Variants in BCL9 observed in about 807,000 individuals in gnomAD.
BCL9 encodes the protein BCL9 transcription coactivator.
A neutral mutation model predicts 88.5 loss-of-function variants in BCL9; 25 were observed. That is an observed-to-expected ratio of 0.28 (90% CI 0.21 to 0.39). The LOEUF is 0.39. Among genes scored for constraint, BCL9 ranks in the 10% least tolerant of loss-of-function variants. BCL9 has a pLI of 1.00. For synonymous variants in BCL9, 711 were observed against 673.3 expected (o/e 1.06, Z -0.87); for missense variants, 1,817 against 1,877.8 (o/e 0.97, Z 0.60).
At chr1:147,547,002 G>GT (rs1222827546) in intron 1 of BCL9, among the ~76,000 whole-genome samples, 136,034 of 149,278 alleles carry the variant, frequency 0.91, 61,478 homozygotes, top group South Asian at 0.97. Context: ...TAAAAATCGT[G>GT]TTTTTTTTTA....
chr1:147,622,695 G>A (rs1395593964), intron 9 of BCL9, among the ~76,000 whole-genome samples, 164 bp downstream of exon 9: 1 of 152,160 alleles, frequency 6.6e-6, no homozygotes, highest in Non-Finnish European at 1.5e-5. Context: ...CTTGACTAGA[G>A]GAAGATAATT....
chr1:147,603,398 G>A (rs1474714505), intron 1 of BCL9, among the ~76,000 whole-genome samples: 6 of 152,212 alleles, frequency 3.9e-5, no homozygotes, highest in African/African-American at 1.4e-4. Context: ...GTGTTTCCTG[G>A]CTTCCTGGCA....
intron 1 of BCL9, among the ~76,000 whole-genome samples, chr1:147,561,863 G>A (rs191740814): frequency 2.1e-4 from 32 of 152,276 alleles, no homozygotes; most frequent in African/African-American, 7.2e-4. Context: ...TGACTCTCTA[G>A]GGATTGACTA....
At chr1:147,585,199 A>G (rs1320089952) in intron 1 of BCL9, among the ~76,000 whole-genome samples, 5 of 152,218 alleles carry the variant, frequency 3.3e-5, no homozygotes, top group African/African-American at 1.2e-4. Context: ...CTATGCATGG[A>G]ACATATAATT....
chr1:147,602,470 A>G (rs1251545599), intron 1 of BCL9, among the ~76,000 whole-genome samples: 3 of 152,166 alleles, frequency 2.0e-5, no homozygotes, highest in Non-Finnish European at 2.9e-5. Context: ...TCCGCCTCCC[A>G]AAGTGTTGGG....
rs373183747 is a variant in BCL9, at chr1:147,566,707, A to G, written c.-478+25033A>G. Among the ~76,000 whole-genome samples the G allele has an allele frequency of 3.1e-3, 468 of 152,138 alleles. 1 individual carries two copies. The highest frequency in any genetic ancestry group is 0.011 in the African/African-American group (437 of 41,498). On this transcript the variant is annotated intron_variant, in intron 1 of 9. Coordinates refer to ENST00000234739, the MANE Select transcript of BCL9 (RefSeq NM_004326.4). The stretch of plus-strand genomic sequence containing the variant: ...GGAGGCGGAGTTTGCAGTGAGCCGA[A>G]ATCGCGCCACTGCACTCCAGCCCTG...
At position 147,619,943 on chromosome 1, in the gene BCL9, G is replaced by A; in HGVS notation, c.1788G>A (p.Val596=). Residue 596 remains valine, a synonymous_variant, in exon 8 of 10, where the codon GTG becomes GTA. Transcript: ENST00000234739. The surrounding 1 kb of genome is among the most constrained non-coding windows in gnomAD (Gnocchi z 4.1). Reference sequence around the variant, plus strand: ...CTGGAGTCAGTTGGCCAGATGATGTGCCAAAAATCCCAGATGGTCGAAATT... The same window carrying A: ...CTGGAGTCAGTTGGCCAGATGATGTACCAAAAATCCCAGATGGTCGAAATT... The part of the protein sequence containing the change: ...GLSGVSWPDD[V]PKIPDGRNFP... 1 of 1,614,186 alleles carries A rather than the reference G, an allele frequency of 6.2e-7. No homozygotes were observed. The highest frequency in any genetic ancestry group is 1.3e-5 in the African/African-American group (1 of 75,052).
At chr1:147,622,076 A>G (rs587753018) in intron 8 of BCL9, among the ~76,000 whole-genome samples, 195 bp from the exon 9 acceptor site, 2 of 152,272 alleles carry the variant, frequency 1.3e-5, no homozygotes, top group African/African-American at 2.4e-5. Context: ...TGTCACCTCC[A>G]TATCACACCA....
intron 1 of BCL9, among the ~76,000 whole-genome samples, chr1:147,583,192 T>C (rs1553198826): frequency 1.3e-5 from 2 of 152,234 alleles, no homozygotes; most frequent in South Asian, 2.1e-4. Context: ...AATATTAATG[T>C]CTTTTCAGTC....
At chr1:147,547,283 G>T (rs1427471529) in intron 1 of BCL9, among the ~76,000 whole-genome samples, 2 of 152,034 alleles carry the variant, frequency 1.3e-5, no homozygotes, top group African/African-American at 4.8e-5. Flanking sequence ...TGAGACAGAG[G>T]GTAGAGAATG....
chr1:147,574,917 G>A (rs1656040877), intron 1 of BCL9, among the ~76,000 whole-genome samples: 1 of 152,108 alleles, frequency 6.6e-6, no homozygotes, highest in South Asian at 2.1e-4. Flanking sequence ...TGAGCCCTTG[G>A]TCTACTCCAC....
intron 1 of BCL9, among the ~76,000 whole-genome samples, chr1:147,564,192 C>T (rs1206397500): frequency 1.3e-5 from 2 of 152,128 alleles, no homozygotes; most frequent in South Asian, 2.1e-4. Flanking sequence ...AATGCTCTCT[C>T]GTAGGATTGT....
rs782383812 is a variant in BCL9, at chr1:147,619,388, C to T, written c.1233C>T (p.Ala411=). Residue 411 remains alanine, a synonymous_variant, in exon 8 of 10, where the codon GCC becomes GCT. Coordinates refer to ENST00000234739, the MANE Select transcript of BCL9 (RefSeq NM_004326.4). This position sits in a 1 kb window ranked among gnomAD's most constrained non-coding sequence, Gnocchi z 4.1. ...KPEGPIQAMM[A]QSQSLGKGPG... ...AAGGGCCAATACAGGCCATGATGGC[C>T]CAATCCCAAAGCCTAGGTAAGGGAC... 1 of 1,614,058 alleles carries T rather than the reference C, an allele frequency of 6.2e-7. No individual in the cohort carries two copies. Among genetic ancestry groups the T allele is most frequent in the South Asian group, 1.1e-5 (1 of 91,080 alleles).
chr1:147,594,622 C>T (rs1262476854), intron 1 of BCL9, among the ~76,000 whole-genome samples: 1 of 151,966 alleles, frequency 6.6e-6, no homozygotes, highest in Non-Finnish European at 1.5e-5. Flanking sequence ...TGGAGAGAGA[C>T]AAGATCAAGA....
chr1:147,555,804 T>A (rs1655080917), intron 1 of BCL9, among the ~76,000 whole-genome samples: 1 of 152,250 alleles, frequency 6.6e-6, no homozygotes, highest in Non-Finnish European at 1.5e-5. Context: ...GGCTCTCTCA[T>A]GCCTAAGTTG....
chr1:147,619,889 C>T lies in BCL9; in HGVS notation c.1734C>T (p.Val578=), dbSNP rs1553204809. Residue 578 remains valine, a synonymous_variant, in exon 8 of 10, where the codon GTC becomes GTT. Coordinates refer to ENST00000234739, the MANE Select transcript of BCL9 (RefSeq NM_004326.4). This position sits in a 1 kb window ranked among gnomAD's most constrained non-coding sequence, Gnocchi z 4.1. The part of the protein sequence containing the change: ...MINSEMEGPN[V]PNPASRPGLS... ...ACTCTGAAATGGAAGGGCCGAATGT[C>T]CCCAACCCTGCATCTAGACCAGGTC... is the stretch of plus-strand genomic sequence containing the variant. 2 of 1,614,080 alleles carry T rather than the reference C, an allele frequency of 1.2e-6. No homozygotes were observed. Among genetic ancestry groups the T allele is most frequent in the African/African-American group, 2.7e-5 (2 of 74,924 alleles).
chr1:147,619,959 G>C lies in BCL9; in HGVS notation c.1804G>C (p.Gly602Arg). 6.2e-7 allele frequency: 1 copy of C among 1,614,198 alleles called. No individual in the cohort carries two copies. ...AGATGATGTGCCAAAAATCCCAGAT[G>C]GTCGAAATTTTCCTCCTGGCCAGGG... is the stretch of plus-strand genomic sequence containing the variant. ...WPDDVPKIPDGRNFPPGQGIF... is the reference protein window; with the variant it reads ...WPDDVPKIPDRRNFPPGQGIF... The change falls in exon 8 of 10, where the codon GGT (glycine) becomes CGT (arginine). Residue 602 changes from glycine to arginine, a missense_variant. This residue lies in a region of BCL9 where 1,228 missense variants were observed against 1,191.6 expected (regional missense o/e 1.03). Coordinates refer to ENST00000234739, the MANE Select transcript of BCL9 (RefSeq NM_004326.4). The surrounding 1 kb of genome is among the most constrained non-coding windows in gnomAD (Gnocchi z 4.1).
chr1:147,542,679 C>G (rs1355241974), intron 1 of BCL9, among the ~76,000 whole-genome samples: 3 of 139,140 alleles, frequency 2.2e-5, no homozygotes, highest in Non-Finnish European at 4.7e-5. Flanking sequence ...TCCTTTTTCT[C>G]TTGTGTCTTT....
intron 1 of BCL9, among the ~76,000 whole-genome samples, chr1:147,601,897 TA>T (rs1657410010): frequency 6.6e-6 from 1 of 151,836 alleles, no homozygotes; most frequent in African/African-American, 2.4e-5. Context: ...TATTTATTAT[TA>T]TTTTTATTTG....
Sources: allele counts gnomAD v4.1 joint callset (sites outside exome capture counted in the v4.1 genomes callset), GRCh38; gene constraint gnomAD v4.1.1; regional missense constraint gnomAD v4.1.1; non-coding constraint Gnocchi (gnomAD v3.1); transcripts MANE v1.5; gene names NCBI Gene and HGNC (gene_info 2026-07-23, HGNC 2026-07-21).